ZNF184: variants seen among roughly 807,000 people sequenced by gnomAD.
ZNF184 encodes the protein zinc finger protein 184.
Under a neutral mutation model 54.4 loss-of-function variants are expected in ZNF184, and 16 were observed. The observed-to-expected ratio is 0.29, with a 90% CI of 0.20 to 0.45. ZNF184 has a LOEUF of 0.45. Among genes scored for constraint, ZNF184 ranks in the 20% least tolerant of loss-of-function variants. ZNF184 has a pLI of 1.00. For synonymous variants in ZNF184, 254 were observed against 295.3 expected (o/e 0.86, Z 1.43); for missense variants, 681 against 888.2 (o/e 0.77, Z 2.97).
At chr6:27,421,205 C>A in the ZNF184 span, among the ~76,000 whole-genome samples, 2 of 152,142 alleles carry the variant, frequency 1.3e-5, no homozygotes, top group Admixed American at 1.3e-4. Flanking sequence ...GAATGTACAT[C>A]AAAAATAAAT....
chr6:27,450,583 C>A (rs748678822), downstream of ZNF184, among the ~76,000 whole-genome samples: 8 of 151,914 alleles, frequency 5.3e-5, no homozygotes, highest in Non-Finnish European at 1.0e-4. Context: ...AAACAAATTT[C>A]TATTGTTTAA....
the ZNF184 span, among the ~76,000 whole-genome samples, chr6:27,442,721 C>CGGAAGGAAGGAA: frequency 1.8e-3 from 188 of 101,796 alleles, 7 homozygotes; most frequent in East Asian, 4.3e-3. Context: ...GAAAGAAGGA[C>CGGAAGGAAGGAA]GGAAGGAAGG....
chr6:27,448,631 T>G (rs775017344), downstream of ZNF184, among the ~76,000 whole-genome samples: 1 of 152,216 alleles, frequency 6.6e-6, no homozygotes, highest in Non-Finnish European at 1.5e-5. Flanking sequence ...AACTGCCAAA[T>G]GCTCCTATCT....
rs945864255 is a variant in ZNF184, at chr6:27,450,940, T to C, written c.*363A>G. 1.2e-5 allele frequency: 2 copies of C among 168,648 alleles called. No individual in the cohort carries two copies. The highest frequency in any genetic ancestry group is 4.8e-5 in the African/African-American group (2 of 41,308). The allele number at this position is 168,648 out of a possible 1,614,324, so 10.4% of individuals were successfully genotyped here. A position where few individuals can be genotyped will look rare whatever the true frequency, so the allele number is the denominator to read the frequency against. ...ACAAATTCTATTGGCAAAACATGCATAAACATACACATTCTAGATGCAACA... is the reference window on the plus strand; with the variant it reads ...ACAAATTCTATTGGCAAAACATGCACAAACATACACATTCTAGATGCAACA... On this transcript the variant is annotated 3_prime_UTR_variant, in exon 6 of 6. Coordinates refer to ENST00000683788, the MANE Select transcript of ZNF184 (RefSeq NM_001318891.2).
the ZNF184 span, among the ~76,000 whole-genome samples, chr6:27,418,318 C>G: frequency 6.6e-6 from 1 of 152,224 alleles, no homozygotes; most frequent in African/African-American, 2.4e-5. Context: ...GTGGACTCCA[C>G]ATCTCTCCAG....
At chr6:27,406,329 G>A in the ZNF184 span, 1 of 152,250 alleles carries the variant, frequency 6.6e-6, no homozygotes, top group Non-Finnish European at 1.5e-5. Flanking sequence ...GCATGCAAGA[G>A]ACATACACAG....
chr6:27,418,020 G>A, the ZNF184 span, among the ~76,000 whole-genome samples: 6 of 152,132 alleles, frequency 3.9e-5, no homozygotes, highest in African/African-American at 9.7e-5. Context: ...ATTTTTCAGG[G>A]CACTGATGTT....
the ZNF184 span, among the ~76,000 whole-genome samples, chr6:27,413,083 AC>A: frequency 3.3e-5 from 5 of 151,830 alleles, no homozygotes; most frequent in South Asian, 2.1e-4. Flanking sequence ...CTATGGAGAA[AC>A]CCTGTCTCTA....
the ZNF184 span, among the ~76,000 whole-genome samples, chr6:27,426,829 T>G: frequency 9.2e-5 from 14 of 152,146 alleles, no homozygotes; most frequent in African/African-American, 3.1e-4. The surrounding 1 kb of genome is among the most constrained non-coding windows in gnomAD (Gnocchi z 4.2). Flanking sequence ...AATTATGTCC[T>G]ATCTTAGGGA....
the ZNF184 span, among the ~76,000 whole-genome samples, chr6:27,418,503 G>A: frequency 1.3e-5 from 2 of 152,064 alleles, no homozygotes; most frequent in African/African-American, 4.8e-5. Flanking sequence ...ATGTATTTGT[G>A]CCTGTTTTCC....
the ZNF184 span, among the ~76,000 whole-genome samples, chr6:27,442,812 G>GAGAA: frequency 0.039 from 2,056 of 52,338 alleles, 68 homozygotes; most frequent in East Asian, 0.058. Flanking sequence ...GAGAAAGAAA[G>GAGAA]AGAAAGAAAG....
At chr6:27,427,116 TAAAA>T in the ZNF184 span, among the ~76,000 whole-genome samples, 2 of 106,910 alleles carry the variant, frequency 1.9e-5, no homozygotes, top group Non-Finnish European at 3.7e-5. Context: ...ACACTCTATG[TAAAA>T]AAAAAAAAAA....
At chr6:27,408,069 A>C in the ZNF184 span, 1 of 817,494 alleles carries the variant, frequency 1.2e-6, no homozygotes, top group Non-Finnish European at 2.2e-6. Flanking sequence ...TTGATAATGC[A>C]AATTAACTCA....
At chr6:27,419,959 A>G in the ZNF184 span, among the ~76,000 whole-genome samples, 1 of 152,112 alleles carries the variant, frequency 6.6e-6, no homozygotes, top group African/African-American at 2.4e-5. This position sits in a 1 kb window ranked among gnomAD's most constrained non-coding sequence, Gnocchi z 4.8. Flanking sequence ...TCACTTGGCT[A>G]TGCTCACTCC....
the ZNF184 span, among the ~76,000 whole-genome samples, chr6:27,444,116 AGGAGGT>A: frequency 6.6e-6 from 1 of 152,282 alleles, no homozygotes; most frequent in Non-Finnish European, 1.5e-5. Flanking sequence ...CTCATTCTAC[AGGAGGT>A]GACCTGATCT....
the ZNF184 span, among the ~76,000 whole-genome samples, chr6:27,436,278 G>A: frequency 6.6e-6 from 1 of 151,836 alleles, no homozygotes; most frequent in Non-Finnish European, 1.5e-5. Flanking sequence ...ATTCTTGTGC[G>A]TCAGCCTCCT....
the ZNF184 span, among the ~76,000 whole-genome samples, chr6:27,426,359 G>A: frequency 9.9e-5 from 15 of 152,174 alleles, no homozygotes; most frequent in African/African-American, 3.6e-4. This position sits in a 1 kb window ranked among gnomAD's most constrained non-coding sequence, Gnocchi z 4.2. Context: ...TCTGCGGCCT[G>A]TGCTTTTCTC....
chr6:27,434,988 T>C, the ZNF184 span, among the ~76,000 whole-genome samples: 1 of 152,230 alleles, frequency 6.6e-6, no homozygotes, highest in African/African-American at 2.4e-5. Context: ...GGTTTATTTC[T>C]TTGCTGTCTA....
intron 3 of ZNF184, among the ~76,000 whole-genome samples, chr6:27,459,574 A>C (rs1762947937): frequency 1.3e-5 from 2 of 152,178 alleles, no homozygotes; most frequent in African/African-American, 4.8e-5. Flanking sequence ...GTGGAAACAG[A>C]ACCCAAATGC....
Sources: gnomAD v4.1 joint callset for allele counts (sites outside exome capture counted in the v4.1 genomes callset) on GRCh38, gnomAD v4.1.1 for gene constraint, Gnocchi (gnomAD v3.1) non-coding constraint, MANE v1.5 for transcripts, NCBI Gene and HGNC (gene_info 2026-07-23, HGNC 2026-07-21) for gene names.